Variants in ZNF500 observed in about 807,000 individuals in gnomAD.
The protein encoded by ZNF500 is zinc finger protein with KRAB and SCAN domains 18.
Under a neutral mutation model 30.1 loss-of-function variants are expected in ZNF500, and 31 were observed. That is an observed-to-expected ratio of 1.03 (90% CI 0.77 to 1.39). ZNF500 has a LOEUF of 1.39. Ranked by LOEUF, ZNF500 falls within the 40% of genes most tolerant of loss-of-function variation. The pLI, the probability that ZNF500 is intolerant of heterozygous loss-of-function variation, is 0.00. For synonymous variants in ZNF500, 392 were observed against 282.0 expected, an observed-to-expected ratio of 1.39 and a Z score of -3.91; for missense variants, 817 against 657.8, an observed-to-expected ratio of 1.24 and a Z score of -2.65.
At position 4,765,966 on chromosome 16, in the gene ZNF500, G is replaced by T. The variant is rs371050108; in HGVS notation, c.13C>A (p.Pro5Thr). The change falls in exon 2 of 6, where the codon CCT becomes ACT. Residue 5 changes from proline (P) to threonine (T), a missense_variant. Pro to Thr is a conservative substitution (Grantham distance 38, BLOSUM62 -1). Transcript: ENST00000219478. ...AAGGTTGGCAGGGGCTGGAGGCCAG[G>T]GACAGTGGCCATTGCTTCCGGTGGG... The part of the protein sequence containing the change: MATV[P>T]GLQPLPTLEQ... 6.4e-7 allele frequency: 1 copy of T among 1,565,708 alleles called. No homozygotes were observed. Among genetic ancestry groups the T allele is most frequent in the South Asian group, 1.2e-5 (1 of 84,114 alleles).
At chr16:4,766,883 G>A (rs532983195) in intron 1 of ZNF500, 134 bp downstream of exon 1, 1 of 152,366 alleles carries the variant, frequency 6.6e-6, no homozygotes, top group Non-Finnish European at 1.5e-5. Flanking sequence ...CCCCAGGCCG[G>A]GCTGCTTTCC....
chr16:4,747,007 C>A, downstream of ZNF500: 1 of 1,535,244 alleles, frequency 6.5e-7, no homozygotes, highest in East Asian at 2.4e-5. Context: ...GGGGCATCTC[C>A]TTCCTCCCTG....
chr16:4,744,438 G>A (rs532732553), downstream of ZNF500, among the ~76,000 whole-genome samples: 49 of 152,184 alleles, frequency 3.2e-4, no homozygotes, highest in African/African-American at 1.2e-3. Flanking sequence ...ACTGCGGCTC[G>A]ATGAGGGGAT....
At position 4,752,478 on chromosome 16, in the gene ZNF500, G is replaced by A; in HGVS notation, c.1341C>T (p.Arg447=). Residue 447 remains arginine, a synonymous_variant, in exon 6 of 6, where the codon CGC becomes CGT. Coordinates refer to ENST00000219478, the MANE Select transcript of ZNF500 (RefSeq NM_021646.4). ...GGTGCTTGTGCAGGTCGGTGCCCCG[G>A]CGGAAGCCCCGGCCACAGGCCGGGC... ...YTCPACGRGF[R]RGTDLHKHQR... 6.5e-7 allele frequency: 1 copy of A among 1,546,220 alleles called. No homozygotes were observed.
In ZNF500 at chr16:4,752,865, G is replaced by A. The variant is rs1213374518; in HGVS notation, c.954C>T (p.Ser318=). 6.2e-7 allele frequency: 1 copy of A among 1,614,110 alleles called. No individual in the cohort carries two copies. Among genetic ancestry groups the A allele is most frequent in the South Asian group, 1.1e-5 (1 of 91,092 alleles). The part of the protein sequence containing the change: ...RGGPPPGRRA[S]HGADKPYTCP... Reference sequence around the variant, plus strand: ...AGGTGTACGGCTTGTCAGCCCCATGGGAAGCCCGTCTTCCTGGTGGGGGGC... The same window carrying A: ...AGGTGTACGGCTTGTCAGCCCCATGAGAAGCCCGTCTTCCTGGTGGGGGGC... The change falls in exon 6 of 6, where the codon TCC becomes TCT. Residue 318 remains serine (S), a synonymous_variant. Coordinates refer to ENST00000219478, the MANE Select transcript of ZNF500 (RefSeq NM_021646.4).
chr16:4,759,138 A>G (rs2082170594), intron 5 of ZNF500, among the ~76,000 whole-genome samples: 1 of 151,376 alleles, frequency 6.6e-6, no homozygotes, highest in African/African-American at 2.4e-5. Flanking sequence ...TGAACCTGGA[A>G]GGCGGAGGTT....
At chr16:4,764,184 G>A (rs2082237599) in intron 2 of ZNF500, 4 of 714,320 alleles carry the variant, frequency 5.6e-6, no homozygotes, top group Non-Finnish European at 5.1e-6. Flanking sequence ...CATGTGTGAC[G>A]ACTGAGCCCT....
downstream of ZNF500, among the ~76,000 whole-genome samples, chr16:4,744,374 G>A (rs1017367994): frequency 2.0e-5 from 3 of 152,104 alleles, no homozygotes; most frequent in African/African-American, 7.2e-5. Context: ...CTGAAAAGCT[G>A]GAAACAACCC....
chr16:4,754,728 T>C (rs919987139), intron 5 of ZNF500, among the ~76,000 whole-genome samples: 2 of 151,932 alleles, frequency 1.3e-5, no homozygotes, highest in Non-Finnish European at 2.9e-5. Flanking sequence ...AACCACCTCA[T>C]TGGCCTGCTA....
At chr16:4,766,821 C>T (rs1267052282) in intron 1 of ZNF500, 196 bp downstream of exon 1, 1 of 152,270 alleles carries the variant, frequency 6.6e-6, no homozygotes, top group East Asian at 1.9e-4. Context: ...GGCACCCCCG[C>T]GTGGGTGGTC....
rs755692571 is a variant in ZNF500 at position 4,751,544 on chromosome 16, T to C, written c.*832A>G. On this transcript the variant is annotated 3_prime_UTR_variant, in exon 6 of 6. Transcript: ENST00000219478. ...AGCCCCGGGCTCCATTTGGAAACTCTGGCAGGATGAAGAAGCTGGAGACCA... is the reference window on the plus strand; with the variant it reads ...AGCCCCGGGCTCCATTTGGAAACTCCGGCAGGATGAAGAAGCTGGAGACCA... The C allele has an allele frequency of 1.0e-5, 16 of 1,529,042 alleles. No individual in the cohort carries two copies. Among genetic ancestry groups the C allele is most frequent in the Non-Finnish European group, 1.3e-5 (15 of 1,144,548 alleles). 94.7% of individuals were successfully genotyped at this position (1,529,042 alleles called of 1,614,324 possible). A position where few individuals can be genotyped will look rare whatever the true frequency, so the allele number is the denominator to read the frequency against.
Position 4,751,831 on chromosome 16 carries a change from C to T in ZNF500, c.*545G>A. 1.6e-6 allele frequency: 1 copy of T among 628,580 alleles called. No homozygotes were observed. Among genetic ancestry groups the T allele is most frequent in the Admixed American group, 2.7e-5 (1 of 37,316 alleles). 38.9% of individuals were successfully genotyped at this position (628,580 alleles called of 1,614,324 possible). On this transcript the variant is annotated 3_prime_UTR_variant, in exon 6 of 6. Coordinates refer to ENST00000219478, the MANE Select transcript of ZNF500 (RefSeq NM_021646.4). ...GATGAGGCAGGAGGAACACTTGAGC[C>T]CAGGGATTCGAGGCTGCAGTGAGCT... is the stretch of plus-strand genomic sequence containing the variant.
intron 5 of ZNF500, among the ~76,000 whole-genome samples, chr16:4,759,449 C>T (rs984736399): frequency 6.6e-5 from 10 of 152,086 alleles, no homozygotes; most frequent in East Asian, 1.9e-4. Flanking sequence ...TGTACACCCA[C>T]GTTCACTGCA....
At chr16:4,762,436 C>G in intron 3 of ZNF500, 101 bp from the exon 4 acceptor site, 1 of 1,521,510 alleles carries the variant, frequency 6.6e-7, no homozygotes, top group Non-Finnish European at 8.9e-7. Context: ...GCTGCCCACC[C>G]AAGATCCACT....
At chr16:4,766,822 G>C (rs1163255350) in intron 1 of ZNF500, 195 bp downstream of exon 1, 1 of 152,260 alleles carries the variant, frequency 6.6e-6, no homozygotes, top group East Asian at 1.9e-4. Context: ...GCACCCCCGC[G>C]TGGGTGGTCA....
chr16:4,764,385 G>C (rs1009269003), intron 2 of ZNF500, among the ~76,000 whole-genome samples: 1 of 152,140 alleles, frequency 6.6e-6, no homozygotes. Context: ...AATCAGCCTG[G>C]CGTGGTGGCA....
chr16:4,748,042 AG>A (rs771770484), downstream of ZNF500, among the ~76,000 whole-genome samples: 4 of 152,266 alleles, frequency 2.6e-5, no homozygotes, highest in Non-Finnish European at 5.9e-5. Flanking sequence ...AGAGGATTTT[AG>A]GGTTGAAAGA....
downstream of ZNF500, chr16:4,747,260 C>A (rs187996858): frequency 1.3e-5 from 19 of 1,460,482 alleles, no homozygotes; most frequent in Non-Finnish European, 1.8e-5. Flanking sequence ...CTGGGCTCAT[C>A]TGCTTTTCTC....
At chr16:4,746,821 C>A, downstream of ZNF500, 1 of 1,078,938 alleles carries the variant, frequency 9.3e-7, no homozygotes, top group Non-Finnish European at 1.3e-6. Flanking sequence ...TGGCTGCTGA[C>A]CTCTTGCATT....
Sources: allele counts gnomAD v4.1 joint callset (sites outside exome capture counted in the v4.1 genomes callset), GRCh38; gene constraint gnomAD v4.1.1; transcripts MANE v1.5; gene names NCBI Gene and HGNC (gene_info 2026-07-23, HGNC 2026-07-21).